The following LINGO2 variants were observed in gnomAD, a reference collection of about 807,000 sequenced individuals.
The protein encoded by LINGO2 is leucine rich repeat and Ig domain containing 2.
Under a neutral mutation model 30.6 loss-of-function variants are expected in LINGO2, and 14 were observed. That is an observed-to-expected ratio of 0.46 (90% CI 0.30 to 0.72). The LOEUF (loss-of-function observed/expected upper bound fraction) is 0.72. LINGO2 is among the 30% of genes least tolerant of loss of function. LINGO2 has a pLI of 0.07. For synonymous variants in LINGO2, 317 were observed against 288.5 expected (o/e 1.10, Z -1.00); for missense variants, 729 against 751.7 (o/e 0.97, Z 0.35).
chr9:28,655,594 C>A (rs7857678), intron 1 of LINGO2, among the ~76,000 whole-genome samples: 3 of 151,736 alleles, frequency 2.0e-5, no homozygotes, highest in Non-Finnish European at 4.4e-5. Flanking sequence ...TTGAATTGTA[C>A]TTCCCATAAT....
At chr9:28,246,142 C>T (rs879919461) in intron 4 of LINGO2, among the ~76,000 whole-genome samples, 7 of 152,016 alleles carry the variant, frequency 4.6e-5, no homozygotes, top group Middle Eastern at 3.2e-3. Flanking sequence ...AATAAGACCA[C>T]ATGCCAGGCA....
the LINGO2 span, among the ~76,000 whole-genome samples, chr9:28,770,803 T>C: frequency 1.3e-5 from 2 of 152,334 alleles, no homozygotes; most frequent in East Asian, 1.9e-4. Flanking sequence ...TTTCTTAGTA[T>C]GAATTTAACA....
At chr9:28,959,612 T>TCTCTCTCACACACACA in the LINGO2 span, among the ~76,000 whole-genome samples, 22 of 132,224 alleles carry the variant, frequency 1.7e-4, no homozygotes, top group East Asian at 3.1e-3. Flanking sequence ...TCTCTCTCCC[T>TCTCTCTCACACACACA]CACACACACA....
chr9:28,373,197 T>C (rs1820972038), intron 2 of LINGO2, among the ~76,000 whole-genome samples: 1 of 152,184 alleles, frequency 6.6e-6, no homozygotes, highest in African/African-American at 2.4e-5. Context: ...GAAAAAATTA[T>C]ATAGGCAGCA....
chr9:28,843,266 T>C, the LINGO2 span, among the ~76,000 whole-genome samples: 3 of 151,704 alleles, frequency 2.0e-5, no homozygotes, highest in Non-Finnish European at 4.4e-5. Flanking sequence ...CCTATAAAAA[T>C]GACAATTACA....
chr9:28,355,907 C>A (rs1156955324), intron 3 of LINGO2, among the ~76,000 whole-genome samples: 3 of 152,272 alleles, frequency 2.0e-5, no homozygotes, highest in Admixed American at 2.0e-4. Context: ...AAACCTTAAA[C>A]TGCCCCAGGT....
chr9:28,289,658 C>G (rs373403423), intron 4 of LINGO2, among the ~76,000 whole-genome samples: 52 of 152,224 alleles, frequency 3.4e-4, no homozygotes, highest in African/African-American at 9.9e-4. Flanking sequence ...CCTGTTCTTT[C>G]TATACTTAAT....
chr9:28,250,152 T>C (rs940505547), intron 4 of LINGO2, among the ~76,000 whole-genome samples: 2 of 152,116 alleles, frequency 1.3e-5, no homozygotes, highest in African/African-American at 2.4e-5. Context: ...AGGAAAGGGA[T>C]TGGATTTCTG....
chr9:27,950,659 CCGTGT>C lies in LINGO2; in HGVS notation c.8_12del (p.His3ArgfsTer29), dbSNP rs1241747588. On this transcript the variant is annotated frameshift_variant, in exon 6 of 6. Coordinates refer to ENST00000379992, the Ensembl canonical transcript of LINGO2. LOFTEE classifies it high-confidence loss of function. ...AGGAATGGCTGCCAGCATGATATGG[CCGTGT>C]GAAGCATGACTCCACTTCTTAGTCT... 4.6e-6 allele frequency: 7 copies of C among 1,508,546 alleles called. No individual in the cohort carries two copies. Among genetic ancestry groups the C allele is most frequent in the South Asian group, 4.1e-5 (3 of 73,046 alleles). The allele number at this position is 1,508,546 out of a possible 1,614,324, so 93.4% of individuals were successfully genotyped here. A position where few individuals can be genotyped will look rare whatever the true frequency, so the allele number is the denominator to read the frequency against.
chr9:28,898,003 G>T, the LINGO2 span, among the ~76,000 whole-genome samples: 1 of 152,150 alleles, frequency 6.6e-6, no homozygotes, highest in African/African-American at 2.4e-5. Flanking sequence ...GAGGACAAAG[G>T]ATTCTGTCAA....
At chr9:27,971,513 G>C (rs1470264339) in intron 5 of LINGO2, among the ~76,000 whole-genome samples, 1 of 152,096 alleles carries the variant, frequency 6.6e-6, no homozygotes, top group African/African-American at 2.4e-5. Flanking sequence ...CACCCAAGTA[G>C]CTGGGATTAC....
chr9:28,275,645 T>C (rs1204393440), intron 4 of LINGO2, among the ~76,000 whole-genome samples: 1 of 152,164 alleles, frequency 6.6e-6, no homozygotes, highest in African/African-American at 2.4e-5. Flanking sequence ...AACACTTAAG[T>C]ATATGCAGTG....
At position 28,468,297 on chromosome 9, in the gene LINGO2, C is replaced by T. The variant is rs547697169; in HGVS notation, c.-279+7643G>A. On this transcript the variant is annotated intron_variant, in intron 2 of 5. Transcript: ENST00000379992. ...GTTCCCTCACTTGGACCAGAAAGAG[C>T]GAAGTAGATCATATTTGCAAGGTTA... Among the ~76,000 whole-genome samples the T allele has an allele frequency of 7.2e-5, 11 of 152,226 alleles. No homozygotes were observed. In the East Asian group the frequency reaches 1.2e-3, roughly 16 times the overall value.
chr9:29,065,174 C>T, the LINGO2 span, among the ~76,000 whole-genome samples: 2 of 152,082 alleles, frequency 1.3e-5, no homozygotes, highest in African/African-American at 4.8e-5. Context: ...TGGCCAAGTA[C>T]AATTAACATT....
intron 4 of LINGO2, among the ~76,000 whole-genome samples, chr9:28,031,608 G>C (rs1823675181): frequency 6.6e-6 from 1 of 152,012 alleles, no homozygotes; most frequent in Admixed American, 6.6e-5. Context: ...TTTAAAGTGG[G>C]GACAGTCTGG....
chr9:28,160,306 A>G (rs1446577159), intron 4 of LINGO2, among the ~76,000 whole-genome samples: 1 of 152,188 alleles, frequency 6.6e-6, no homozygotes, highest in Admixed American at 6.5e-5. Context: ...GATATCTGTG[A>G]GATGTCTCCC....
intron 3 of LINGO2, among the ~76,000 whole-genome samples, chr9:28,367,945 C>A (rs1005324081): frequency 1.3e-5 from 2 of 152,044 alleles, no homozygotes; most frequent in Admixed American, 1.3e-4. Context: ...TGGAAACTCT[C>A]CTTAAGGGTA....
chr9:28,550,348 TTA>T (rs2135498860), intron 1 of LINGO2, among the ~76,000 whole-genome samples: 1 of 151,972 alleles, frequency 6.6e-6, no homozygotes, highest in South Asian at 2.1e-4. Context: ...TTCTTCAGAT[TTA>T]TCTTTCAAAG....
chr9:28,344,527 G>GGT (rs1265747777), intron 3 of LINGO2, among the ~76,000 whole-genome samples: 2 of 151,870 alleles, frequency 1.3e-5, no homozygotes, highest in African/African-American at 4.8e-5. Context: ...AAAGTATCTG[G>GGT]GTATATATAC....
Sources: gnomAD v4.1 joint callset for allele counts (sites outside exome capture counted in the v4.1 genomes callset) on GRCh38, gnomAD v4.1.1 for gene constraint, MANE v1.5 for transcripts, NCBI Gene and HGNC (gene_info 2026-07-23, HGNC 2026-07-21) for gene names.